TK2: variants seen among roughly 807,000 people sequenced by gnomAD.
TK2 encodes the protein thymidine kinase 2.
TK2 carries 35 observed loss-of-function variants against 41.9 expected under a neutral mutation model. The observed-to-expected ratio is 0.84, with a 90% CI of 0.64 to 1.11. TK2 has a LOEUF of 1.11. Ranked by LOEUF, TK2 falls within the 50% of genes least tolerant of loss-of-function variation. TK2 has a pLI of 0.00. For missense variants in TK2, 320 were observed against 351.1 expected (o/e 0.91, Z 0.71); for synonymous variants, 128 against 129.1 (o/e 0.99, Z 0.06).
intron 5 of TK2, among the ~76,000 whole-genome samples, chr16:66,529,308 T>C (rs968945922): frequency 6.6e-6 from 1 of 152,218 alleles, no homozygotes; most frequent in Non-Finnish European, 1.5e-5. Context: ...CAAAGCTGCA[T>C]GCATGGCCCA....
chr16:66,515,899 C>T (rs1021638835), intron 8 of TK2, among the ~76,000 whole-genome samples: 5 of 152,152 alleles, frequency 3.3e-5, no homozygotes, highest in Admixed American at 6.5e-5. Context: ...GGATAGGCTT[C>T]CCAGGGCCCC....
intron 9 of TK2, among the ~76,000 whole-genome samples, chr16:66,512,935 C>T (rs1048366297): frequency 6.6e-6 from 1 of 152,210 alleles, no homozygotes; most frequent in African/African-American, 2.4e-5. Flanking sequence ...CACATCCCAT[C>T]AAACAATGCT....
At chr16:66,549,170 C>T (rs1337974708) in intron 1 of TK2, 161 bp from the exon 2 acceptor site, 4 of 1,487,960 alleles carry the variant, frequency 2.7e-6, no homozygotes, top group Admixed American at 2.4e-5. Flanking sequence ...CGCGCACCAC[C>T]GTCTCGCCGA....
intron 4 of TK2, among the ~76,000 whole-genome samples, chr16:66,532,880 C>T (rs1450490978): frequency 2.0e-5 from 3 of 151,208 alleles, no homozygotes; most frequent in Non-Finnish European, 2.9e-5. Context: ...AAAAAAAAAT[C>T]CTAAAATTGA....
intron 6 of TK2, among the ~76,000 whole-genome samples, chr16:66,521,365 C>G (rs981581223): frequency 1.3e-5 from 2 of 152,210 alleles, no homozygotes; most frequent in Admixed American, 6.5e-5. Flanking sequence ...GCCTCCCACT[C>G]CCACCCCCAT....
Position 66,517,987 on chromosome 16 carries a change from A to G in TK2, c.450-110T>C. The G allele has an allele frequency of 1.1e-6, 1 of 876,854 alleles. No individual in the cohort carries two copies. The highest frequency in any genetic ancestry group is 2.4e-5 in the East Asian group (1 of 40,926). 54.3% of individuals were successfully genotyped at this position (876,854 alleles called of 1,614,324 possible). ...CTCAATGAAAGGAGTCACCAAGGGTACCAGGGCACAGTGTGATCCGTGCAA... is the reference window on the plus strand; with the variant it reads ...CTCAATGAAAGGAGTCACCAAGGGTGCCAGGGCACAGTGTGATCCGTGCAA... On this transcript the variant is annotated intron_variant, in intron 6 of 9. Transcript: ENST00000544898. This position sits in a 1 kb window ranked among gnomAD's most constrained non-coding sequence, Gnocchi z 4.3.
At chr16:66,521,958 G>A (rs879117906) in intron 6 of TK2, among the ~76,000 whole-genome samples, 1 of 152,208 alleles carries the variant, frequency 6.6e-6, no homozygotes, top group Non-Finnish European at 1.5e-5. Context: ...AGTCTGTGCG[G>A]AATGGAATGG....
At chr16:66,542,540 A>G (rs1965487985) in intron 2 of TK2, among the ~76,000 whole-genome samples, 1 of 152,168 alleles carries the variant, frequency 6.6e-6, no homozygotes, top group African/African-American at 2.4e-5. Flanking sequence ...AAGTCCTAAC[A>G]TTTTTCACAG....
intron 5 of TK2, among the ~76,000 whole-genome samples, chr16:66,530,346 G>GCTTTGAAA (rs1189010942): frequency 2.6e-5 from 4 of 152,178 alleles, no homozygotes; most frequent in Non-Finnish European, 4.4e-5. Context: ...TGTGCTTACA[G>GCTTTGAAA]CTTTGAAACA....
chr16:66,546,831 A>G (rs1276290408), intron 2 of TK2, among the ~76,000 whole-genome samples: 1 of 151,490 alleles, frequency 6.6e-6, no homozygotes, highest in African/African-American at 2.4e-5. Context: ...AGCTCACTGC[A>G]GCCTTGACCT....
intron 8 of TK2, among the ~76,000 whole-genome samples, chr16:66,516,581 G>C (rs537160241): frequency 6.6e-6 from 1 of 152,298 alleles, no homozygotes; most frequent in Non-Finnish European, 1.5e-5. Flanking sequence ...GGGCCAGGGC[G>C]AGATGCACAG....
At chr16:66,518,938 C>G (rs751018591) in intron 6 of TK2, among the ~76,000 whole-genome samples, 1 of 151,970 alleles carries the variant, frequency 6.6e-6, no homozygotes, top group Non-Finnish European at 1.5e-5. Context: ...GGGAGCATTA[C>G]TACATATTTT....
rs924745857 is a variant in TK2 at position 66,510,897 on chromosome 16, C to A, written c.*1071G>T. The A allele has an allele frequency of 2.0e-5, 3 of 152,154 alleles. No homozygotes were observed. In the East Asian group the frequency reaches 5.8e-4, roughly 29 times the overall value. The allele number at this position is 152,154 out of a possible 1,614,324, so 9.4% of individuals were successfully genotyped here. ...GAAGCTAAGGTATTTTCTGAGCCAA[C>A]AAAGATGATTTCAGGCTCTATGGCT... is the stretch of plus-strand genomic sequence containing the variant. On this transcript the variant is annotated 3_prime_UTR_variant, in exon 10 of 10. Transcript: ENST00000544898.
In TK2 at chr16:66,509,600, T is replaced by A. The variant is rs1249657904; in HGVS notation, c.*2368A>T. 6.6e-6 allele frequency: 1 copy of A among 152,228 alleles called. No homozygotes were observed. The highest frequency in any genetic ancestry group is 1.5e-5 in the Non-Finnish European group (1 of 68,044). 9.4% of individuals were successfully genotyped at this position (152,228 alleles called of 1,614,324 possible). On this transcript the variant is annotated 3_prime_UTR_variant, in exon 10 of 10. Coordinates refer to ENST00000544898, the MANE Select transcript of TK2 (RefSeq NM_004614.5). Reference sequence around the variant, plus strand: ...AGCTCTGCGGTGTACTGACTTCATGTCCCCATGGAACTCCAGTCTCACAGC... The same window carrying A: ...AGCTCTGCGGTGTACTGACTTCATGACCCCATGGAACTCCAGTCTCACAGC...
intron 8 of TK2, 111 bp from the exon 9 acceptor site, chr16:66,513,922 G>T: frequency 1.1e-6 from 1 of 936,430 alleles, no homozygotes; most frequent in Non-Finnish European, 1.7e-6. Context: ...CAGTGACTCA[G>T]ACAAAGGAAC....
chr16:66,513,848 C>T (rs765945972), intron 8 of TK2, 37 bp from the exon 9 acceptor site: 1 of 1,585,218 alleles, frequency 6.3e-7, no homozygotes, highest in South Asian at 1.1e-5. Flanking sequence ...CGGGAGTGGA[C>T]AGAGCAGACC....
Position 66,517,186 on chromosome 16 carries a change from A to G in TK2, c.568T>C (p.Tyr190His). 1 of 1,614,222 alleles carries G rather than the reference A, an allele frequency of 6.2e-7. No homozygotes were observed. The highest frequency in any genetic ancestry group is 1.1e-5 in the South Asian group (1 of 91,086). The change falls in exon 8 of 10, where the codon TAC becomes CAC. Residue 190 changes from tyrosine (Y) to histidine (H), a missense_variant. Physicochemically the swap from Tyr to His is moderately conservative, Grantham distance 83 (BLOSUM62 2). Coordinates refer to ENST00000544898, the MANE Select transcript of TK2 (RefSeq NM_004614.5). This position sits in a 1 kb window ranked among gnomAD's most constrained non-coding sequence, Gnocchi z 4.3. ...CTGCATCTCTTCTTTAACCTCTGGT[A>G]ACAAGTCTCAGGATTGGTCCGAAGG... ...VYLRTNPETC[Y>H]QRLKKRCREE...
At chr16:66,532,868 G>GA (rs111641075) in intron 4 of TK2, among the ~76,000 whole-genome samples, 8,702 of 147,840 alleles carry the variant, frequency 0.059, 822 homozygotes, top group African/African-American at 0.2. Context: ...CAAAAATAGG[G>GA]AAAAAAAAAA....
chr16:66,547,047 A>G (rs76289788), intron 2 of TK2, among the ~76,000 whole-genome samples: 10,474 of 152,220 alleles, frequency 0.069, 506 homozygotes, highest in South Asian at 0.17. Flanking sequence ...GCCATTAGGT[A>G]TGGCCCTGTT....
Sources: allele counts gnomAD v4.1 joint callset (sites outside exome capture counted in the v4.1 genomes callset), GRCh38; gene constraint gnomAD v4.1.1; non-coding constraint Gnocchi (gnomAD v3.1); transcripts MANE v1.5; gene names NCBI Gene and HGNC (gene_info 2026-07-23, HGNC 2026-07-21).